Variants in POLR3A observed in about 807,000 individuals in gnomAD.
POLR3A encodes RNA polymerase III subunit A, also known as DNA-directed RNA polymerase III subunit RPC1.
In POLR3A, 112 loss-of-function variants were observed where a neutral mutation model predicts 152.8. The ratio of observed to expected loss-of-function variants is 0.73; its 90% confidence interval spans 0.63 to 0.86. The LOEUF is 0.86. Ranked by LOEUF, POLR3A falls within the 40% of genes least tolerant of loss-of-function variation. The pLI, the probability that POLR3A is intolerant of heterozygous loss-of-function variation, is 0.00. For synonymous variants in POLR3A, 615 were observed against 652.1 expected, an observed-to-expected ratio of 0.94 and a Z score of 0.87; for missense variants, 1,385 against 1,743.1, an observed-to-expected ratio of 0.79 and a Z score of 3.66.
At chr10:78,014,413 A>G (rs1847498134) in intron 10 of POLR3A, among the ~76,000 whole-genome samples, 1 of 152,156 alleles carries the variant, frequency 6.6e-6, no homozygotes. Flanking sequence ...GAAGTTACTG[A>G]GCACTAACCC....
At chr10:78,029,101 C>T (rs1032448938) in intron 1 of POLR3A, among the ~76,000 whole-genome samples, 5 of 152,098 alleles carry the variant, frequency 3.3e-5, no homozygotes, top group African/African-American at 4.8e-5. Flanking sequence ...CGAGCTTTGG[C>T]CCAGGGTGCA....
At chr10:78,015,518 G>C (rs891018454) in intron 10 of POLR3A, among the ~76,000 whole-genome samples, 4 of 151,990 alleles carry the variant, frequency 2.6e-5, no homozygotes, top group African/African-American at 9.7e-5. Flanking sequence ...AGTAAAGATG[G>C]GGTTTCATTA....
At chr10:77,990,009 AT>A (rs1168385847) in intron 21 of POLR3A, among the ~76,000 whole-genome samples, 6 of 152,190 alleles carry the variant, frequency 3.9e-5, no homozygotes, top group African/African-American at 1.4e-4. Context: ...AAATATTCTT[AT>A]TTAAGCTTCA....
intron 10 of POLR3A, among the ~76,000 whole-genome samples, chr10:78,016,752 C>G (rs924511326): frequency 3.3e-5 from 5 of 151,208 alleles, no homozygotes; most frequent in African/African-American, 1.2e-4. Flanking sequence ...TGGCACATGC[C>G]TGTAGTCCTA....
chr10:78,001,122 T>C (rs202109821), intron 17 of POLR3A, 28 bp from the exon 18 acceptor site: 1 of 1,214,672 alleles, frequency 8.2e-7, no homozygotes, highest in East Asian at 2.3e-5. Flanking sequence ...AAATGTAACA[T>C]TCATTTACCA....
intron 21 of POLR3A, among the ~76,000 whole-genome samples, chr10:77,987,897 C>A (rs1462563768): frequency 6.6e-6 from 1 of 152,236 alleles, no homozygotes; most frequent in African/African-American, 2.4e-5. Flanking sequence ...GCAGAAGGCA[C>A]TGAAGGCCTG....
At chr10:78,026,896 A>G (rs1359363389) in intron 1 of POLR3A, among the ~76,000 whole-genome samples, 2 of 152,160 alleles carry the variant, frequency 1.3e-5, no homozygotes, top group Non-Finnish European at 2.9e-5. Context: ...AGACCTCAAT[A>G]CTTTTTCTCC....
At chr10:77,988,299 A>G (rs2131933209) in intron 21 of POLR3A, among the ~76,000 whole-genome samples, 1 of 152,280 alleles carries the variant, frequency 6.6e-6, no homozygotes, top group South Asian at 2.1e-4. Context: ...AGGCAGGTGG[A>G]TCACCTGAGG....
At position 77,986,260 on chromosome 10, in the gene POLR3A, T is replaced by C. The variant is rs41274604; in HGVS notation, c.2902-101A>G. 21,932 of 781,062 alleles carry C rather than the reference T, an allele frequency of 0.028. 395 individuals are homozygous for C. The highest frequency in any genetic ancestry group is 0.038 in the Non-Finnish European group (16,052 of 427,864). 48.4% of individuals were successfully genotyped at this position (781,062 alleles called of 1,614,324 possible). A position where few individuals can be genotyped will look rare whatever the true frequency, so the allele number is the denominator to read the frequency against. Reference sequence around the variant, plus strand: ...AGTTGTATATGACAAGTCCATCATATTTTAGTGTTAGCTCCATATATAGTA... The same window carrying C: ...AGTTGTATATGACAAGTCCATCATACTTTAGTGTTAGCTCCATATATAGTA... On this transcript the variant is annotated intron_variant, in intron 21 of 30. Coordinates refer to ENST00000372371, the MANE Select transcript of POLR3A (RefSeq NM_007055.4).
rs947114143 is a variant in POLR3A at position 77,977,336 on chromosome 10, G to A, written c.*142C>T. The A allele has an allele frequency of 2.4e-6, 2 of 835,716 alleles. No individual in the cohort carries two copies. The highest frequency in any genetic ancestry group is 1.8e-5 in the Admixed American group (1 of 56,364). 51.8% of individuals were successfully genotyped at this position (835,716 alleles called of 1,614,324 possible). On this transcript the variant is annotated 3_prime_UTR_variant, in exon 31 of 31. Coordinates refer to ENST00000372371, the MANE Select transcript of POLR3A (RefSeq NM_007055.4). ...CCCTATCAGAGGAGAAGCTGCTCCT[G>A]GGGATGCCAAGAGGGCTTCTCTGAT...
At position 77,985,897 on chromosome 10, in the gene POLR3A, C is replaced by T. The variant is rs770959909; in HGVS notation, c.3071+6G>A. Reference sequence around the variant, plus strand: ...GACCGTCAGTCCAAGACAAAAGCATCCCTACCTCATGTACTTGTCCCTACA... The same window carrying T: ...GACCGTCAGTCCAAGACAAAAGCATTCCTACCTCATGTACTTGTCCCTACA... On this transcript the variant is annotated splice_donor_region_variant and intron_variant, in intron 23 of 30. Coordinates refer to ENST00000372371, the MANE Select transcript of POLR3A (RefSeq NM_007055.4). 1.2e-6 allele frequency: 2 copies of T among 1,609,954 alleles called. No homozygotes were observed. Among genetic ancestry groups the T allele is most frequent in the East Asian group, 4.5e-5 (2 of 44,862 alleles).
In POLR3A at chr10:78,009,517, C is replaced by A. The variant is rs1189488542; in HGVS notation, c.1909+20G>T. 1.2e-6 allele frequency: 2 copies of A among 1,614,238 alleles called. No homozygotes were observed. The highest frequency in any genetic ancestry group is 8.5e-7 in the Non-Finnish European group (1 of 1,180,046). ...TCTGTCACGTTCCTCCTTCTCCCCA[C>A]CCGAGTTCCGTCCACTCACAGGAAT... On this transcript the variant is annotated intron_variant, in intron 14 of 30. Transcript: ENST00000372371.
At chr10:77,980,022 A>T in intron 30 of POLR3A, 119 bp downstream of exon 30, 1 of 917,062 alleles carries the variant, frequency 1.1e-6, no homozygotes, top group Non-Finnish European at 1.8e-6. Flanking sequence ...TATTGACATT[A>T]TTCTTGAAAA....
chr10:78,019,173 C>A lies in POLR3A; in HGVS notation c.1278G>T (p.Thr426=), dbSNP rs779675895. 5.0e-6 allele frequency: 8 copies of A among 1,610,100 alleles called. No individual in the cohort carries two copies. Among genetic ancestry groups the A allele is most frequent in the Non-Finnish European group, 6.8e-6 (8 of 1,176,536 alleles). The change falls in exon 9 of 31, where the codon ACG becomes ACT. Residue 426 remains threonine (T), a synonymous_variant. Transcript: ENST00000372371. The part of the protein sequence containing the change: ...PGANFIQQRH[T]QMKRFLKYGN... ...TGGGAAAAGATTACCTTTTCATCTG[C>A]GTATGTCTCTGCTGAATGAAGTTTG...
At chr10:78,019,427 A>C in intron 8 of POLR3A, 162 bp from the exon 9 acceptor site, 1 of 631,238 alleles carries the variant, frequency 1.6e-6, no homozygotes, top group Non-Finnish European at 2.8e-6. Context: ...AATGTGAACA[A>C]CAGACTGGCA....
intron 16 of POLR3A, among the ~76,000 whole-genome samples, chr10:78,002,954 A>T (rs1434451176): frequency 6.6e-6 from 1 of 152,216 alleles, no homozygotes; most frequent in Non-Finnish European, 1.5e-5. Context: ...CATGCACCCC[A>T]TACAAATATA....
intron 15 of POLR3A, among the ~76,000 whole-genome samples, chr10:78,007,126 GT>G (rs1564619343): frequency 1.3e-5 from 2 of 152,074 alleles, no homozygotes; most frequent in Non-Finnish European, 2.9e-5. Context: ...GACAATACCT[GT>G]TAACAACAAC....
chr10:77,993,295 T>C lies in POLR3A; in HGVS notation c.2689A>G (p.Ile897Val), dbSNP rs763344439. The change falls in exon 20 of 31, where the codon ATT becomes GTT. Residue 897 changes from isoleucine (I) to valine (V), a missense_variant. Physicochemically the swap from Ile to Val is conservative, Grantham distance 29. Coordinates refer to ENST00000372371, the MANE Select transcript of POLR3A (RefSeq NM_007055.4). ...TCTCCTCCATAAATGAACTGGATAA[T>C]ATCGCCAGTAGAGCTTCGGACTGTC... ...DLTVRSSTGD[I>V]IQFIYGGDGL... 2 of 1,610,788 alleles carry C rather than the reference T, an allele frequency of 1.2e-6. No homozygotes were observed. Among genetic ancestry groups the C allele is most frequent in the Admixed American group, 1.7e-5 (1 of 60,016 alleles).
intron 2 of POLR3A, 91 bp from the exon 3 acceptor site, chr10:78,025,850 T>G (rs1242910248): frequency 7.8e-7 from 1 of 1,275,084 alleles, no homozygotes; most frequent in Non-Finnish European, 1.1e-6. Flanking sequence ...CACAGAATCA[T>G]TTCTTTTGCT....
Sources: allele counts gnomAD v4.1 joint callset (sites outside exome capture counted in the v4.1 genomes callset), GRCh38; gene constraint gnomAD v4.1.1; transcripts MANE v1.5; gene names NCBI Gene and HGNC (gene_info 2026-07-23, HGNC 2026-07-21).